The following VNN2 variants were observed in gnomAD, a reference collection of about 807,000 sequenced individuals.
The protein encoded by VNN2 is pantetheine hydrolase VNN2.
A neutral mutation model predicts 43.0 loss-of-function variants in VNN2; 43 were observed. The observed-to-expected ratio is 1.00, with a 90% CI of 0.78 to 1.29. VNN2 has a LOEUF of 1.29. Ranked by LOEUF, VNN2 falls within the 50% of genes most tolerant of loss-of-function variation. The pLI is 0.00. For missense variants in VNN2, 652 were observed against 619.7 expected, an observed-to-expected ratio of 1.05 and a Z score of -0.55; for synonymous variants, 230 against 224.3, an observed-to-expected ratio of 1.03 and a Z score of -0.23.
intron 6 of VNN2, among the ~76,000 whole-genome samples, chr6:132,747,026 G>A (rs1779759066): frequency 6.6e-6 from 1 of 152,166 alleles, no homozygotes; most frequent in African/African-American, 2.4e-5. Flanking sequence ...CTTTTTTGGT[G>A]TAATACAATC....
intron 6 of VNN2, among the ~76,000 whole-genome samples, chr6:132,747,971 T>C (rs1779820727): frequency 6.6e-6 from 1 of 152,202 alleles, no homozygotes; most frequent in African/African-American, 2.4e-5. Context: ...CAGGTAAATG[T>C]TCAGTCCTAC....
rs2114560541 is a variant in VNN2, at chr6:132,751,184, A to G, written c.1161T>C (p.Phe387=). 2 of 1,612,106 alleles carry G rather than the reference A, an allele frequency of 1.2e-6. No homozygotes were observed. The highest frequency in any genetic ancestry group is 1.1e-5 in the South Asian group (1 of 90,732). ...TTCTCCTTCGGCCATGTAATCCTGT[A>G]AAAGCTCCTAGAACGTATACTTCAT... ...EENEVYVLGA[F]TGLHGRRRRE... The change falls in exon 5 of 7, where the codon TTT becomes TTC. Residue 387 remains phenylalanine, a synonymous_variant. Coordinates refer to ENST00000326499, the MANE Select transcript of VNN2 (RefSeq NM_004665.6).
chr6:132,754,197 G>A (rs1020515857), intron 3 of VNN2, among the ~76,000 whole-genome samples: 2 of 152,070 alleles, frequency 1.3e-5, no homozygotes, highest in African/African-American at 4.8e-5. Context: ...CAAATAAACT[G>A]CATTGAAAGA....
At chr6:132,761,749 T>C (rs958034645), upstream of VNN2, among the ~76,000 whole-genome samples, 6 of 152,340 alleles carry the variant, frequency 3.9e-5, no homozygotes, top group East Asian at 7.7e-4. Flanking sequence ...TAGAATAATG[T>C]TCAATTGGAC....
chr6:132,752,429 A>C, intron 4 of VNN2, 32 bp downstream of exon 4: 1 of 1,573,494 alleles, frequency 6.4e-7, no homozygotes, highest in Non-Finnish European at 8.6e-7. Flanking sequence ...ACTTAAAAAT[A>C]TAAGATGAAA....
intron 1 of VNN2, 31 bp downstream of exon 1, chr6:132,757,640 T>C: frequency 6.2e-7 from 1 of 1,611,136 alleles, no homozygotes; most frequent in Middle Eastern, 1.7e-4. Context: ...GCCCCTCGTG[T>C]ACATTATGAT....
chr6:132,752,081 T>C (rs1268782164), intron 4 of VNN2, among the ~76,000 whole-genome samples: 1 of 152,154 alleles, frequency 6.6e-6, no homozygotes, highest in Non-Finnish European at 1.5e-5. Flanking sequence ...AGCAGCCATG[T>C]CACGAGGATA....
chr6:132,757,147 T>C (rs980683361), intron 2 of VNN2, among the ~76,000 whole-genome samples: 1 of 152,230 alleles, frequency 6.6e-6, no homozygotes, highest in Non-Finnish European at 1.5e-5. Context: ...ATTAAGTTAC[T>C]ACTTGTATCT....
upstream of VNN2, chr6:132,757,969 C>A: frequency 1.0e-6 from 1 of 992,372 alleles, no homozygotes; most frequent in Non-Finnish European, 1.4e-6. Flanking sequence ...CATGTGGCTG[C>A]CAGTTACTGG....
At chr6:132,745,716 G>A (rs987501312) in intron 6 of VNN2, among the ~76,000 whole-genome samples, 8 of 152,214 alleles carry the variant, frequency 5.3e-5, no homozygotes, top group Non-Finnish European at 1.0e-4. Flanking sequence ...AGATCAGACT[G>A]TGAAAGGCAT....
intron 6 of VNN2, among the ~76,000 whole-genome samples, chr6:132,747,041 T>A (rs1050690766): frequency 2.0e-5 from 3 of 152,126 alleles, no homozygotes; most frequent in Non-Finnish European, 4.4e-5. Flanking sequence ...ACAATCTATA[T>A]CTCATTTCCT....
chr6:132,744,569 C>T (rs977843418), intron 6 of VNN2, 78 bp from the exon 7 acceptor site: 5 of 1,378,968 alleles, frequency 3.6e-6, no homozygotes, highest in East Asian at 2.5e-5. Flanking sequence ...TTGAAACCAT[C>T]CTAGATATAA....
chr6:132,760,189 T>C (rs993590368), upstream of VNN2, among the ~76,000 whole-genome samples: 1 of 152,132 alleles, frequency 6.6e-6, no homozygotes, highest in Admixed American at 6.5e-5. Flanking sequence ...TGTTTTTTTG[T>C]TTTGAGACAG....
chr6:132,751,447 G>A lies in VNN2; in HGVS notation c.898C>T (p.Leu300Phe). ...GGATGTGAATCCACCTCTGAAAGGAGAAGTTTTCCCAACTCTGTCTTCATG... is the reference window on the plus strand; with the variant it reads ...GGATGTGAATCCACCTCTGAAAGGAAAAGTTTTCCCAACTCTGTCTTCATG... Reference protein sequence around the residue: ...YDMKTELGKLLLSEVDSHPLS... With the variant: ...YDMKTELGKLFLSEVDSHPLS... Residue 300 changes from leucine (L) to phenylalanine (F), a missense_variant, in exon 5 of 7, where the codon CTC becomes TTC. Transcript: ENST00000326499. The A allele has an allele frequency of 1.2e-6, 2 of 1,614,164 alleles. No individual in the cohort carries two copies. The highest frequency in any genetic ancestry group is 8.5e-7 in the Non-Finnish European group (1 of 1,180,008).
At chr6:132,747,546 G>A (rs1779793463) in intron 6 of VNN2, among the ~76,000 whole-genome samples, 1 of 152,114 alleles carries the variant, frequency 6.6e-6, no homozygotes, top group South Asian at 2.1e-4. Flanking sequence ...GAACCCAAGA[G>A]GCAGAGTTTG....
rs780112772 is a variant in VNN2, at chr6:132,757,561, C to T, written c.214-15G>A. On this transcript the variant is annotated splice_polypyrimidine_tract_variant and intron_variant, in intron 1 of 6. Coordinates refer to ENST00000326499, the MANE Select transcript of VNN2 (RefSeq NM_004665.6). The stretch of plus-strand genomic sequence containing the variant: ...ATTCGAGCACCCTGTTCAAAACAAG[C>T]AAAATAAAAATGATTTTTCCATGTA... 6 of 1,610,740 alleles carry T rather than the reference C, an allele frequency of 3.7e-6. No homozygotes were observed. In the South Asian group the frequency reaches 4.4e-5, roughly 12 times the overall value.
At chr6:132,744,547 A>T in intron 6 of VNN2, 56 bp from the exon 7 acceptor site, 2 of 1,490,458 alleles carry the variant, frequency 1.3e-6, no homozygotes, top group South Asian at 2.7e-5. Context: ...AGTTAAAAGC[A>T]AATTAATCAT....
At chr6:132,747,540 C>A (rs1449403073) in intron 6 of VNN2, among the ~76,000 whole-genome samples, 1 of 152,062 alleles carries the variant, frequency 6.6e-6, no homozygotes, top group Non-Finnish European at 1.5e-5. Context: ...TCGCTTGAAC[C>A]CAAGAGGCAG....
chr6:132,763,199 T>C (rs1012982118), intron 1 of VNN2, among the ~76,000 whole-genome samples: 2 of 151,214 alleles, frequency 1.3e-5, no homozygotes, highest in Non-Finnish European at 2.9e-5. Flanking sequence ...AAGGGTATGG[T>C]AAGAAAATAT....
Sources: allele counts gnomAD v4.1 joint callset (sites outside exome capture counted in the v4.1 genomes callset), GRCh38; gene constraint gnomAD v4.1.1; transcripts MANE v1.5; gene names NCBI Gene and HGNC (gene_info 2026-07-23, HGNC 2026-07-21).